The following SAP130 variants were observed in gnomAD, a reference collection of about 807,000 sequenced individuals.
The protein encoded by SAP130 is histone deacetylase complex subunit SAP130.
Under a neutral mutation model 103.2 loss-of-function variants are expected in SAP130, and 16 were observed. That is an observed-to-expected ratio of 0.16 (90% CI 0.10 to 0.24). SAP130 has a LOEUF of 0.24. Among genes scored for constraint, SAP130 ranks in the 10% least tolerant of loss-of-function variants. SAP130 has a pLI of 1.00. For missense variants in SAP130, 990 were observed against 1,359.7 expected, an observed-to-expected ratio of 0.73 and a Z score of 4.28; for synonymous variants, 477 against 497.0, an observed-to-expected ratio of 0.96 and a Z score of 0.53.
chr2:127,963,256 G>T (rs1680386399), intron 15 of SAP130, among the ~76,000 whole-genome samples: 1 of 151,966 alleles, frequency 6.6e-6, no homozygotes, highest in East Asian at 1.9e-4. Flanking sequence ...TAAAGACAGG[G>T]TCTCACTCTA....
chr2:127,962,526 C>T, intron 15 of SAP130, among the ~76,000 whole-genome samples: 1 of 152,186 alleles, frequency 6.6e-6, no homozygotes, highest in Non-Finnish European at 1.5e-5. Context: ...GGCACATATA[C>T]ACCATGGAAT....
Position 127,986,843 on chromosome 2 carries a change from G to A in SAP130, c.1900C>T (p.Pro634Ser), listed in dbSNP as rs559677024. The A allele has an allele frequency of 2.9e-5, 47 of 1,614,240 alleles. 1 individual carries two copies. In the South Asian group the frequency reaches 3.4e-4, roughly 12 times the overall value. Reference sequence around the variant, plus strand: ...GGCCGTGGCGATGAGCCCTGGGCGGGAGCGTTGGTGCTAGCACTCTGGCTG... The same window carrying A: ...GGCCGTGGCGATGAGCCCTGGGCGGAAGCGTTGGTGCTAGCACTCTGGCTG... ...THSQSASTNAPAQGSSPRPSI... is the reference protein window; with the variant it reads ...THSQSASTNASAQGSSPRPSI... Residue 634 changes from proline (P) to serine (S), a missense_variant, in exon 14 of 21, where the codon CCC (proline) becomes TCC (serine). Pro to Ser is a moderately conservative substitution (Grantham distance 74). Around this residue, in one of 6 missense-constraint regions of SAP130, gnomAD observed 349 missense variants for 384.1 expected, o/e 0.91. Transcript: ENST00000643581. The surrounding 1 kb of genome is among the most constrained non-coding windows in gnomAD (Gnocchi z 4.7).
chr2:127,968,808 A>G (rs2917657), intron 15 of SAP130, among the ~76,000 whole-genome samples: 125,434 of 152,072 alleles, frequency 0.82, 52,292 homozygotes, highest in Middle Eastern at 0.88. Context: ...CACTGTGCCC[A>G]GCCTGACAAG....
At chr2:127,999,239 T>C (rs1354072359) in intron 10 of SAP130, among the ~76,000 whole-genome samples, 2 of 152,120 alleles carry the variant, frequency 1.3e-5, no homozygotes, top group East Asian at 3.9e-4. Flanking sequence ...GAAAATGGGC[T>C]TCAAAGTTTG....
At chr2:128,027,251 C>A in intron 1 of SAP130, 1 of 1,186,602 alleles carries the variant, frequency 8.4e-7, no homozygotes, top group Non-Finnish European at 1.0e-6. Flanking sequence ...CCGCTGGCCC[C>A]ACTCACCCCC....
intron 7 of SAP130, among the ~76,000 whole-genome samples, chr2:128,005,113 A>G (rs528530716): frequency 1.3e-5 from 2 of 152,360 alleles, no homozygotes; most frequent in South Asian, 2.1e-4. Context: ...AAGCAAAGAC[A>G]TAAGAACTCA....
intron 5 of SAP130, 23 bp from the exon 6 acceptor site, chr2:128,013,177 T>C: frequency 6.3e-7 from 1 of 1,582,618 alleles, no homozygotes; most frequent in Non-Finnish European, 8.6e-7. Flanking sequence ...AAGTGTTTAT[T>C]ATATTTATTC....
At chr2:127,993,401 G>C in intron 11 of SAP130, 93 bp from the exon 12 acceptor site, 3 of 1,335,178 alleles carry the variant, frequency 2.2e-6, no homozygotes, top group Non-Finnish European at 3.0e-6. Context: ...GTGTCCTTCA[G>C]AACTGTCAAA....
At chr2:127,954,876 G>C (rs1679721546) in intron 16 of SAP130, 110 bp downstream of exon 16, 1 of 799,718 alleles carries the variant, frequency 1.3e-6, no homozygotes. Context: ...TCTAAAATGG[G>C]TTATCAGGGA....
intron 15 of SAP130, among the ~76,000 whole-genome samples, chr2:127,969,018 T>C (rs1474192781): frequency 2.6e-5 from 4 of 152,164 alleles, no homozygotes; most frequent in Non-Finnish European, 5.9e-5. Context: ...TTTCCCCTTA[T>C]TGAAAACGCT....
intron 4 of SAP130, 40 bp from the exon 5 acceptor site, chr2:128,014,954 C>T: frequency 6.4e-7 from 1 of 1,558,872 alleles, no homozygotes; most frequent in Non-Finnish European, 8.8e-7. Flanking sequence ...TACATGTTTG[C>T]TCTTAGCCAT....
chr2:128,016,722 T>C (rs1684815341), intron 3 of SAP130, among the ~76,000 whole-genome samples, 175 bp from the exon 4 acceptor site: 1 of 152,214 alleles, frequency 6.6e-6, no homozygotes, highest in Admixed American at 6.5e-5. Context: ...AGCATTTCTA[T>C]TTCACAGATA....
At chr2:128,010,499 G>A (rs1684315978) in intron 6 of SAP130, 106 bp from the exon 7 acceptor site, 1 of 1,095,070 alleles carries the variant, frequency 9.1e-7, no homozygotes, top group Non-Finnish European at 1.3e-6. Flanking sequence ...GCATGTTTCT[G>A]CCCAAGTAAA....
At chr2:127,988,911 C>G (rs1559072706) in intron 13 of SAP130, among the ~76,000 whole-genome samples, 1 of 152,068 alleles carries the variant, frequency 6.6e-6, no homozygotes, top group African/African-American at 2.4e-5. Flanking sequence ...ACTAGTATTT[C>G]TTTTTAAGAA....
chr2:127,970,390 A>G (rs1389877492), intron 15 of SAP130, among the ~76,000 whole-genome samples: 1 of 150,796 alleles, frequency 6.6e-6, no homozygotes, highest in East Asian at 2.0e-4. Context: ...AAAATACAAA[A>G]ATTAGCTGGG....
At chr2:127,998,477 T>G (rs1683324704) in intron 10 of SAP130, among the ~76,000 whole-genome samples, 2 of 152,204 alleles carry the variant, frequency 1.3e-5, no homozygotes, top group South Asian at 4.1e-4. Context: ...ATATGTATGT[T>G]TTACTTCCCA....
chr2:127,942,463 T>C lies in SAP130; in HGVS notation c.2976A>G (p.Ala992=). The change falls in exon 20 of 21, where the codon GCA becomes GCG. Residue 992 remains alanine (A), a synonymous_variant. Coordinates refer to ENST00000643581, the MANE Select transcript of SAP130 (RefSeq NM_001330301.2). The surrounding 1 kb of genome is among the most constrained non-coding windows in gnomAD (Gnocchi z 4.8). ...QEGIIPKKKA[A]TDDDLHRINE... ...TTATTCGGTGGAGATCATCATCTGT[T>C]GCTGCTTTTTTCTTTGGGATAATCC... The C allele has an allele frequency of 5.6e-6, 9 of 1,613,926 alleles. No homozygotes were observed. The highest frequency in any genetic ancestry group is 2.2e-5 in the East Asian group (1 of 44,874).
chr2:127,983,820 G>GTTTT lies in SAP130; in HGVS notation c.1958+2964_1958+2965insAAAA, dbSNP rs1455013059. Among the ~76,000 whole-genome samples the GTTTT allele has an allele frequency of 1.9e-4, 21 of 112,354 alleles. 1 individual carries two copies. The highest frequency in any genetic ancestry group is 7.5e-4 in the African/African-American group (20 of 26,568). 73.7% of individuals were successfully genotyped at this position (112,354 alleles called of 152,430 possible). ...AGTTTTGGTAATTTTCTATTACTTT[G>GTTTT]TTGTTTTTTTTTTTTTTTTTTTTTT... On this transcript the variant is annotated intron_variant, in intron 14 of 20. Transcript: ENST00000643581.
intron 15 of SAP130, among the ~76,000 whole-genome samples, chr2:127,968,503 G>C (rs1276191763): frequency 7.4e-5 from 11 of 149,230 alleles, no homozygotes; most frequent in Non-Finnish European, 1.2e-4. Flanking sequence ...ACTCCAGCCT[G>C]GGTGACAAGA....
Sources: gnomAD v4.1 joint callset for allele counts (sites outside exome capture counted in the v4.1 genomes callset) on GRCh38, gnomAD v4.1.1 for gene constraint, gnomAD v4.1.1 regional missense constraint, Gnocchi (gnomAD v3.1) non-coding constraint, MANE v1.5 for transcripts, NCBI Gene and HGNC (gene_info 2026-07-23, HGNC 2026-07-21) for gene names.